PHACTR3: variants seen among roughly 807,000 people sequenced by gnomAD.
The protein encoded by PHACTR3 is phosphatase and actin regulator 3.
A neutral mutation model predicts 66.8 loss-of-function variants in PHACTR3; 16 were observed. The ratio of observed to expected loss-of-function variants is 0.24; its 90% CI spans 0.16 to 0.36. The LOEUF (loss-of-function observed/expected upper bound fraction) is 0.36. PHACTR3 is among the 10% of genes least tolerant of loss of function. The pLI, the probability that PHACTR3 is intolerant of heterozygous loss-of-function variation, is 1.00. For missense variants in PHACTR3, 647 were observed against 719.9 expected, an observed-to-expected ratio of 0.90 and a Z score of 1.16; for synonymous variants, 323 against 292.1, an observed-to-expected ratio of 1.11 and a Z score of -1.08.
chr20:59,824,901 A>C (rs935308153), intron 8 of PHACTR3, among the ~76,000 whole-genome samples: 3 of 152,076 alleles, frequency 2.0e-5, no homozygotes, highest in Admixed American at 6.6e-5. Context: ...CACACACTCC[A>C]TGTGGTTGTT....
chr20:59,586,915 A>C (rs2033046863), intron 1 of PHACTR3, among the ~76,000 whole-genome samples: 1 of 152,206 alleles, frequency 6.6e-6, no homozygotes, highest in Non-Finnish European at 1.5e-5. Context: ...AGTCTGCTGG[A>C]TTCTTGGTCG....
At chr20:59,824,082 CCCACTGATCAGA>C (rs2042120073) in intron 8 of PHACTR3, among the ~76,000 whole-genome samples, 1 of 152,208 alleles carries the variant, frequency 6.6e-6, no homozygotes, top group Non-Finnish European at 1.5e-5. Context: ...CTAAGGCCTT[CCCACTGATCAGA>C]TCAGGCCCAC....
At chr20:59,597,792 A>G (rs958218326) in intron 1 of PHACTR3, among the ~76,000 whole-genome samples, 2 of 152,190 alleles carry the variant, frequency 1.3e-5, no homozygotes, top group African/African-American at 2.4e-5. Flanking sequence ...GTGTTGCTGC[A>G]GGGTCACAGG....
intron 3 of PHACTR3, among the ~76,000 whole-genome samples, chr20:59,754,471 G>A (rs2039712871): frequency 6.6e-6 from 1 of 152,214 alleles, no homozygotes; most frequent in African/African-American, 2.4e-5. Flanking sequence ...GAGACCCCTG[G>A]GGGCAAGGAC....
At chr20:59,787,746 C>T (rs2040961477) in intron 7 of PHACTR3, among the ~76,000 whole-genome samples, 1 of 152,158 alleles carries the variant, frequency 6.6e-6, no homozygotes. Context: ...TCAGACAGAG[C>T]CTGACTTTTC....
chr20:59,755,897 T>C (rs1396623493), intron 4 of PHACTR3, among the ~76,000 whole-genome samples: 1 of 152,150 alleles, frequency 6.6e-6, no homozygotes, highest in Admixed American at 6.5e-5. Context: ...CTTCCGCTGC[T>C]TCTTGAGGGG....
intron 1 of PHACTR3, among the ~76,000 whole-genome samples, chr20:59,665,055 T>G (rs1300140506): frequency 6.6e-6 from 1 of 152,246 alleles, no homozygotes; most frequent in Non-Finnish European, 1.5e-5. Context: ...AATCAAATAA[T>G]TTATTCCAAG....
intron 6 of PHACTR3, 81 bp from the exon 7 acceptor site, chr20:59,774,162 C>CA (rs1336523259): frequency 2.7e-6 from 4 of 1,501,778 alleles, no homozygotes; most frequent in Non-Finnish European, 3.6e-6. Flanking sequence ...CTGTGATATT[C>CA]ATTATAAGCT....
intron 1 of PHACTR3, among the ~76,000 whole-genome samples, chr20:59,706,302 G>T (rs4810182): frequency 0.26 from 40,112 of 152,096 alleles, 6,207 homozygotes; most frequent in Non-Finnish European, 0.35. Context: ...CCACCCAGAG[G>T]GCAAGTGAGG....
chr20:59,623,275 A>G (rs2034326421), intron 1 of PHACTR3, among the ~76,000 whole-genome samples: 1 of 152,038 alleles, frequency 6.6e-6, no homozygotes, highest in Non-Finnish European at 1.5e-5. Context: ...AGCCCGTGTT[A>G]TGACCTTCCA....
In PHACTR3 at chr20:59,738,054, A is replaced by G. The variant is rs1193660889; in HGVS notation, c.119-5053A>G. On this transcript the variant is annotated intron_variant, in intron 1 of 12. Coordinates refer to ENST00000371015, the MANE Select transcript of PHACTR3 (RefSeq NM_080672.5). The surrounding 1 kb of genome is among the most constrained non-coding windows in gnomAD (Gnocchi z 4.4). ...GGTAGTGACGGTGGTCCTGGCAGTG[A>G]TGGTGGTAGGGAGGGGGAGGCGCCA... Among the ~76,000 whole-genome samples, 1 of 151,966 alleles carries G rather than the reference A, an allele frequency of 6.6e-6. No individual in the cohort carries two copies. The highest frequency in any genetic ancestry group is 1.9e-4 in the East Asian group (1 of 5,176).
rs775377134 is a variant in PHACTR3, at chr20:59,723,190, T to C, written c.119-19917T>C. 3.0e-4 allele frequency among the ~76,000 whole-genome samples: 46 copies of C among 152,030 alleles called. 1 individual carries two copies. Among genetic ancestry groups the C allele is most frequent in the Admixed American group, 5.2e-4 (8 of 15,270 alleles). ...ATACAGTTCACAGTTCTGTGGTTTT[T>C]GCTACACTCACGGGTTTGTGCAACT... On this transcript the variant is annotated intron_variant, in intron 1 of 12. Transcript: ENST00000371015.
rs189689929 is a variant in PHACTR3 at position 59,813,232 on chromosome 20, C to T, written c.1328+7038C>T. 3.4e-3 allele frequency among the ~76,000 whole-genome samples: 515 copies of T among 152,256 alleles called. 7 individuals are homozygous for T. Among genetic ancestry groups the T allele is most frequent in the African/African-American group, 0.012 (492 of 41,544 alleles). Reference sequence around the variant, plus strand: ...CTTCCCCAAGACCCTCACTGAGGAGCGAACACACCTGACATGGGTCACTCC... The same window carrying T: ...CTTCCCCAAGACCCTCACTGAGGAGTGAACACACCTGACATGGGTCACTCC... On this transcript the variant is annotated intron_variant, in intron 8 of 12. Transcript: ENST00000371015.
intron 1 of PHACTR3, among the ~76,000 whole-genome samples, chr20:59,709,074 T>C (rs772586253): frequency 6.6e-6 from 1 of 152,240 alleles, no homozygotes; most frequent in Non-Finnish European, 1.5e-5. Flanking sequence ...AGACATGCTC[T>C]TCATAGAGTA....
chr20:59,823,387 C>G (rs1160727264), intron 8 of PHACTR3, among the ~76,000 whole-genome samples: 2 of 152,170 alleles, frequency 1.3e-5, no homozygotes, highest in African/African-American at 4.8e-5. Context: ...GCATCAGTCT[C>G]TGGAGGGAGG....
intron 7 of PHACTR3, among the ~76,000 whole-genome samples, chr20:59,778,228 G>A (rs2040602282): frequency 6.6e-6 from 1 of 152,182 alleles, no homozygotes; most frequent in Non-Finnish European, 1.5e-5. Flanking sequence ...CACAGGACCA[G>A]GGTCTCATAG....
chr20:59,605,831 A>G (rs1272683742), intron 1 of PHACTR3, among the ~76,000 whole-genome samples: 1 of 115,168 alleles, frequency 8.7e-6, no homozygotes, highest in Non-Finnish European at 1.7e-5. Flanking sequence ...AGAGAGGAAG[A>G]AAGGCCTAAT....
At chr20:59,669,707 A>T (rs985592734) in intron 1 of PHACTR3, among the ~76,000 whole-genome samples, 1 of 152,218 alleles carries the variant, frequency 6.6e-6, no homozygotes, top group East Asian at 1.9e-4. Flanking sequence ...GACACTTCAT[A>T]GAAATGGAAT....
At chr20:59,593,296 G>T (rs1483333439) in intron 1 of PHACTR3, among the ~76,000 whole-genome samples, 1 of 152,156 alleles carries the variant, frequency 6.6e-6, no homozygotes, top group African/African-American at 2.4e-5. Flanking sequence ...AGCATCTGTA[G>T]GTTATTTTGA....
Sources: gnomAD v4.1 joint callset for allele counts (sites outside exome capture counted in the v4.1 genomes callset) on GRCh38, gnomAD v4.1.1 for gene constraint, Gnocchi (gnomAD v3.1) non-coding constraint, MANE v1.5 for transcripts, NCBI Gene and HGNC (gene_info 2026-07-23, HGNC 2026-07-21) for gene names.